Variants in SIPA1L1 observed in about 807,000 individuals in gnomAD.
SIPA1L1 encodes the protein signal induced proliferation associated 1 like 1.
A neutral mutation model predicts 162.7 loss-of-function variants in SIPA1L1; 26 were observed. The observed-to-expected ratio is 0.16, with a 90% CI of 0.12 to 0.22. The LOEUF (loss-of-function observed/expected upper bound fraction) is 0.22. SIPA1L1 is among the 10% of genes least tolerant of loss of function. SIPA1L1 has a pLI of 1.00. For synonymous variants in SIPA1L1, 829 were observed against 837.4 expected (o/e 0.99, Z 0.17); for missense variants, 1,874 against 2,241.0 (o/e 0.84, Z 3.31).
chr14:71,710,512 A>G (rs1191015238), intron 17 of SIPA1L1, among the ~76,000 whole-genome samples: 1 of 152,222 alleles, frequency 6.6e-6, no homozygotes, highest in South Asian at 2.1e-4. Flanking sequence ...TATGACCGCA[A>G]GAAAAATAGT....
At position 71,588,069 on chromosome 14, in the gene SIPA1L1, C is replaced by A. The variant is rs148022465; in HGVS notation, c.197C>A (p.Thr66Asn). Residue 66 changes from threonine to asparagine, a missense_variant, in exon 5 of 24, where the codon ACC becomes AAC. By Grantham distance (65) the Thr-to-Asn change is moderately conservative (BLOSUM62 0). This residue lies in a region of SIPA1L1 where 685 missense variants were observed against 828.0 expected (regional missense o/e 0.83). Coordinates refer to ENST00000381232, the MANE Select transcript of SIPA1L1 (RefSeq NM_001386936.1). The surrounding 1 kb of genome is among the most constrained non-coding windows in gnomAD (Gnocchi z 4.3). ...CGAAGTGAAGGTTCTCACCATATAA[C>A]CTCAACCCCCGGAGTCCCAAAAATG... ...PPRSEGSHHI[T>N]STPGVPKMGV... The A allele has an allele frequency of 2.3e-5, 37 of 1,614,116 alleles. No homozygotes were observed. The African/African-American group carries it at 4.0e-4, about 17-fold the overall frequency.
chr14:71,524,056 C>T (rs1259011020), intron 3 of SIPA1L1, among the ~76,000 whole-genome samples: 1 of 152,150 alleles, frequency 6.6e-6, no homozygotes, highest in Non-Finnish European at 1.5e-5. Context: ...GATGTTATTA[C>T]CCTTAGGCTC....
At chr14:71,654,938 T>C (rs1329739659) in intron 8 of SIPA1L1, among the ~76,000 whole-genome samples, 2 of 152,206 alleles carry the variant, frequency 1.3e-5, no homozygotes, top group East Asian at 3.8e-4. Context: ...GGATGCTTTA[T>C]TCCTTAGTAA....
At chr14:71,518,073 C>T (rs565515482) in intron 3 of SIPA1L1, among the ~76,000 whole-genome samples, 120 of 152,040 alleles carry the variant, frequency 7.9e-4, no homozygotes, top group African/African-American at 2.8e-3. Context: ...CACTTGAGCT[C>T]AGGAGTTAGA....
intron 2 of SIPA1L1, among the ~76,000 whole-genome samples, chr14:71,479,772 C>T (rs1036733707): frequency 6.6e-6 from 1 of 152,088 alleles, no homozygotes; most frequent in South Asian, 2.1e-4. Flanking sequence ...CTGTCACCCA[C>T]GCAGGAGTGC....
intron 4 of SIPA1L1, among the ~76,000 whole-genome samples, chr14:71,567,471 G>A (rs1421601521): frequency 6.6e-6 from 1 of 152,124 alleles, no homozygotes; most frequent in Non-Finnish European, 1.5e-5. Context: ...TTTTTTTAAA[G>A]TGAGGGAAAG....
rs185755083 is a variant in SIPA1L1 at position 71,391,817 on chromosome 14, G to A, written c.-465+70636G>A. On this transcript the variant is annotated intron_variant, in intron 2 of 23. Coordinates refer to ENST00000381232, the MANE Select transcript of SIPA1L1 (RefSeq NM_001386936.1). ...CAAGTAATGCCAGGTTGGGAGGACC[G>A]TAGCAAGTGATTCTGAGGAAAGAAG... Among the ~76,000 whole-genome samples, 52 of 152,316 alleles carry A rather than the reference G, an allele frequency of 3.4e-4. No individual in the cohort carries two copies. In the East Asian group the frequency reaches 7.9e-3, roughly 23 times the overall value.
intron 7 of SIPA1L1, among the ~76,000 whole-genome samples, chr14:71,626,428 T>C (rs1647294294): frequency 6.6e-6 from 1 of 152,136 alleles, no homozygotes; most frequent in African/African-American, 2.4e-5. Context: ...AAAGCCTGGA[T>C]TGTACTGAGA....
chr14:71,383,586 A>G (rs1213792397), intron 2 of SIPA1L1, among the ~76,000 whole-genome samples: 2 of 152,322 alleles, frequency 1.3e-5, no homozygotes, highest in East Asian at 1.9e-4. Context: ...TGGTTCTGCA[A>G]GCGGTACTAG....
rs556207828 is a variant in SIPA1L1 at position 71,727,514 on chromosome 14, A to G, written c.4615-2541A>G. 2.1e-4 allele frequency among the ~76,000 whole-genome samples: 31 copies of G among 150,342 alleles called. No individual in the cohort carries two copies. In the South Asian group the frequency reaches 2.3e-3, roughly 11 times the overall value. On this transcript the variant is annotated intron_variant, in intron 19 of 23. Transcript: ENST00000381232. ...CAGTAGAGTTTCTCTTATGGGAGGG[A>G]TGGGATGGTCTGGACTCCTGGGTCC... is the stretch of plus-strand genomic sequence containing the variant.
At chr14:71,542,767 G>T (rs1460004376) in intron 4 of SIPA1L1, among the ~76,000 whole-genome samples, 2 of 114,424 alleles carry the variant, frequency 1.7e-5, no homozygotes, top group African/African-American at 6.7e-5. Context: ...TTTTTTTTAC[G>T]AGATACAGTC....
chr14:71,409,751 T>C (rs1737253704), intron 2 of SIPA1L1, among the ~76,000 whole-genome samples: 1 of 152,238 alleles, frequency 6.6e-6, no homozygotes, highest in South Asian at 2.1e-4. Flanking sequence ...GGCCATCACA[T>C]TGGCTACTTA....
At chr14:71,324,608 T>C (rs1310892567) in intron 2 of SIPA1L1, among the ~76,000 whole-genome samples, 1 of 152,226 alleles carries the variant, frequency 6.6e-6, no homozygotes, top group Admixed American at 6.5e-5. Context: ...TGAGTTAAAG[T>C]TTCTACATAG....
intron 2 of SIPA1L1, among the ~76,000 whole-genome samples, chr14:71,472,690 T>G (rs1186304467): frequency 1.3e-5 from 2 of 151,568 alleles, no homozygotes; most frequent in Non-Finnish European, 2.9e-5. Flanking sequence ...CTGAGATATA[T>G]AGTGTTTCTC....
chr14:71,682,397 G>A (rs1050263936), intron 12 of SIPA1L1, among the ~76,000 whole-genome samples: 6 of 152,096 alleles, frequency 3.9e-5, no homozygotes, highest in Non-Finnish European at 8.8e-5. Flanking sequence ...TCTACATAAC[G>A]TTCTTCTGTT....
chr14:71,321,155 G>C lies in SIPA1L1; in HGVS notation c.-491G>C, dbSNP rs2140108352. The C allele has an allele frequency of 6.6e-6, 1 of 152,246 alleles. No homozygotes were observed. Among genetic ancestry groups the C allele is most frequent in the East Asian group, 2.0e-4 (1 of 5,118 alleles). 9.4% of individuals were successfully genotyped at this position (152,246 alleles called of 1,614,324 possible). A position where few individuals can be genotyped will look rare whatever the true frequency, so the allele number is the denominator to read the frequency against. ...CGCGGCGGACGCGCCCGGGACGCGC[G>C]GCGGCACCGGGAGGCCGGGCCGAGC... is the stretch of plus-strand genomic sequence containing the variant. On this transcript the variant is annotated 5_prime_UTR_variant, in exon 2 of 24. Coordinates refer to ENST00000381232, the MANE Select transcript of SIPA1L1 (RefSeq NM_001386936.1).
intron 2 of SIPA1L1, among the ~76,000 whole-genome samples, chr14:71,352,188 G>C (rs981915330): frequency 1.3e-5 from 2 of 152,006 alleles, no homozygotes; most frequent in Non-Finnish European, 2.9e-5. Context: ...TGAATTTTCT[G>C]TCTTTTTCTT....
rs2149848425 is a variant in SIPA1L1, at chr14:71,702,709, A to G, written c.3646+204A>G. The stretch of plus-strand genomic sequence containing the variant: ...GGAATTCTAAGTGACCCCAAATTCA[A>G]AACTGGAAAGGCGATAGGAATTATT... On this transcript the variant is annotated intron_variant, in intron 15 of 23. Transcript: ENST00000381232. 2.0e-5 allele frequency among the ~76,000 whole-genome samples: 3 copies of G among 152,330 alleles called. 1 individual carries two copies. The Middle Eastern group carries it at 0.01, about 518-fold the overall frequency.
At chr14:71,563,893 T>C (rs2056985818) in intron 4 of SIPA1L1, among the ~76,000 whole-genome samples, 1 of 152,218 alleles carries the variant, frequency 6.6e-6, no homozygotes, top group African/African-American at 2.4e-5. Flanking sequence ...TCCACAGTCA[T>C]ACAGAAAGTG....
Sources: allele counts gnomAD v4.1 joint callset (sites outside exome capture counted in the v4.1 genomes callset), GRCh38; gene constraint gnomAD v4.1.1; regional missense constraint gnomAD v4.1.1; non-coding constraint Gnocchi (gnomAD v3.1); transcripts MANE v1.5; gene names NCBI Gene and HGNC (gene_info 2026-07-23, HGNC 2026-07-21).